LSAMP: variants seen among roughly 807,000 people sequenced by gnomAD.
LSAMP encodes limbic system associated membrane protein.
In LSAMP, 7 loss-of-function variants were observed where a neutral mutation model predicts 38.6. The ratio of observed to expected loss-of-function variants is 0.18; its 90% CI spans 0.10 to 0.34. LSAMP has a LOEUF of 0.34. Among genes scored for constraint, LSAMP ranks in the 10% least tolerant of loss-of-function variants. LSAMP has a pLI of 1.00. For synonymous variants in LSAMP, 154 were observed against 166.8 expected, an observed-to-expected ratio of 0.92 and a Z score of 0.59; for missense variants, 313 against 420.0, an observed-to-expected ratio of 0.75 and a Z score of 2.23.
intron 2 of LSAMP, among the ~76,000 whole-genome samples, chr3:116,043,940 C>T (rs1181691034): frequency 1.3e-5 from 2 of 152,158 alleles, no homozygotes; most frequent in Non-Finnish European, 2.9e-5. Context: ...AGCGAGACTC[C>T]GTCTCAAAAA....
intron 1 of LSAMP, among the ~76,000 whole-genome samples, chr3:116,439,316 G>GT (rs775235925): frequency 0.084 from 11,992 of 142,972 alleles, 958 homozygotes; most frequent in African/African-American, 0.21. Flanking sequence ...CTGAGATTTT[G>GT]TTGTTTTTTT....
In LSAMP at chr3:116,113,405, TATATATATATATA is replaced by T. The variant is rs1415807956; in HGVS notation, c.156-26862_156-26850del. On this transcript the variant is annotated intron_variant, in intron 1 of 6. Transcript: ENST00000490035. Reference sequence around the variant, plus strand: ...ATTTTAGAAATATGTTTGCCCTATATATATATATATATATATTTTTTTTTTTTTTTTTTTTTTT... The same window carrying T: ...ATTTTAGAAATATGTTTGCCCTATATTATTTTTTTTTTTTTTTTTTTTTTT... 4.9e-3 allele frequency among the ~76,000 whole-genome samples: 314 copies of T among 64,296 alleles called. 4 individuals carry two copies. Among genetic ancestry groups the T allele is most frequent in the African/African-American group, 0.017 (250 of 14,954 alleles). The allele number at this position is 64,296 out of a possible 152,430, so 42.2% of individuals were successfully genotyped here.
intron 1 of LSAMP, among the ~76,000 whole-genome samples, chr3:116,254,171 G>A (rs2046720742): frequency 6.6e-6 from 1 of 152,052 alleles, no homozygotes; most frequent in South Asian, 2.1e-4. Flanking sequence ...CCAACACAGA[G>A]AAGGAGGTAA....
chr3:116,422,002 A>G (rs972344604), intron 1 of LSAMP, among the ~76,000 whole-genome samples: 11 of 152,224 alleles, frequency 7.2e-5, no homozygotes, highest in Admixed American at 5.2e-4. Context: ...ATTCCTCATA[A>G]CAGCCCCAAA....
intron 1 of LSAMP, among the ~76,000 whole-genome samples, chr3:116,245,314 A>T (rs1053229041): frequency 6.6e-6 from 1 of 152,150 alleles, no homozygotes; most frequent in Non-Finnish European, 1.5e-5. Flanking sequence ...GAGATAATAA[A>T]TTTTGGCTGT....
Position 116,125,372 on chromosome 3 carries a change from G to A in LSAMP, c.156-38816C>T, listed in dbSNP as rs571308088. On this transcript the variant is annotated intron_variant, in intron 1 of 6. Transcript: ENST00000490035. ...TATTCATAGCAGTTCCCCCACCCCC[G>A]CCACGAGTTTCCTTCATTGTTTTTT... 1.8e-3 allele frequency among the ~76,000 whole-genome samples: 128 copies of A among 72,602 alleles called. 2 individuals are homozygous for A. Among genetic ancestry groups the A allele is most frequent in the African/African-American group, 6.4e-3 (124 of 19,242 alleles). 47.6% of individuals were successfully genotyped at this position (72,602 alleles called of 152,430 possible). A position where few individuals can be genotyped will look rare whatever the true frequency, so the allele number is the denominator to read the frequency against.
rs575207798 is a variant in LSAMP, at chr3:115,932,291, G to T, written c.515-79674C>A. 4.6e-5 allele frequency among the ~76,000 whole-genome samples: 7 copies of T among 152,228 alleles called. No homozygotes were observed. In the East Asian group the frequency reaches 1.3e-3, roughly 29 times the overall value. On this transcript the variant is annotated intron_variant, in intron 3 of 6. Coordinates refer to ENST00000490035, the MANE Select transcript of LSAMP (RefSeq NM_002338.5). ...TGGGAGAAAGGAAATTTGGACTTTT[G>T]TCTTCTGACCACAGAACCTGTGCTT... is the stretch of plus-strand genomic sequence containing the variant.
intron 1 of LSAMP, among the ~76,000 whole-genome samples, chr3:116,403,020 G>A (rs1227089228): frequency 6.6e-6 from 1 of 152,104 alleles, no homozygotes; most frequent in African/African-American, 2.4e-5. Flanking sequence ...TCCAGATATG[G>A]CCAATCACTG....
chr3:116,399,105 A>G (rs933905114), intron 1 of LSAMP, among the ~76,000 whole-genome samples: 9 of 152,310 alleles, frequency 5.9e-5, no homozygotes, highest in African/African-American at 2.2e-4. Flanking sequence ...AGGTGGAAGG[A>G]GAAAGTAGGC....
At chr3:115,915,824 C>T (rs999413560) in intron 3 of LSAMP, among the ~76,000 whole-genome samples, 26 of 151,958 alleles carry the variant, frequency 1.7e-4, no homozygotes, top group Non-Finnish European at 2.9e-4. Flanking sequence ...GTAGAGACAG[C>T]ATTTCACCAT....
chr3:115,865,454 TAAA>T (rs1464421173), intron 3 of LSAMP, among the ~76,000 whole-genome samples: 1 of 152,192 alleles, frequency 6.6e-6, no homozygotes, highest in East Asian at 1.9e-4. Flanking sequence ...TATTTTGAAA[TAAA>T]AAAGAAGCTA....
Position 115,808,917 on chromosome 3 carries a change from A to T in LSAMP, c.*1400T>A, listed in dbSNP as rs1165980636. The T allele has an allele frequency of 6.6e-6, 1 of 152,194 alleles. No homozygotes were observed. The allele number at this position is 152,194 out of a possible 1,614,324, so 9.4% of individuals were successfully genotyped here. A position where few individuals can be genotyped will look rare whatever the true frequency, so the allele number is the denominator to read the frequency against. ...TCACTTTCACTGTATTTTATCTGAA[A>T]TAGGAAACAATCTCTGCTCAGGGGA... On this transcript the variant is annotated 3_prime_UTR_variant, in exon 7 of 7. Coordinates refer to ENST00000490035, the MANE Select transcript of LSAMP (RefSeq NM_002338.5).
At chr3:116,441,858 C>G (rs914219640) in intron 1 of LSAMP, among the ~76,000 whole-genome samples, 5 of 152,218 alleles carry the variant, frequency 3.3e-5, no homozygotes, top group African/African-American at 1.2e-4. Flanking sequence ...GCTGCTGCTG[C>G]TGCCGCCACT....
At chr3:116,320,213 G>C (rs1257968004) in intron 1 of LSAMP, among the ~76,000 whole-genome samples, 1 of 152,070 alleles carries the variant, frequency 6.6e-6, no homozygotes, top group African/African-American at 2.4e-5. Flanking sequence ...AGGAGTTCGA[G>C]ACCAGCCTGG....
intron 2 of LSAMP, among the ~76,000 whole-genome samples, chr3:116,067,518 G>C (rs781533072): frequency 2.0e-5 from 3 of 152,138 alleles, no homozygotes; most frequent in Non-Finnish European, 2.9e-5. Flanking sequence ...CCTTCCAGTA[G>C]AGAACACCAG....
At chr3:116,029,794 A>C (rs540178505) in intron 2 of LSAMP, among the ~76,000 whole-genome samples, 43 of 152,226 alleles carry the variant, frequency 2.8e-4, no homozygotes, top group African/African-American at 1.0e-3. Context: ...AGATGTAGCC[A>C]GCATTTTACT....
intron 1 of LSAMP, among the ~76,000 whole-genome samples, chr3:116,422,417 G>C (rs1003066910): frequency 6.6e-6 from 1 of 152,162 alleles, no homozygotes; most frequent in Non-Finnish European, 1.5e-5. Context: ...ATCTAGAGAT[G>C]ATTTAAAGTA....
intron 1 of LSAMP, among the ~76,000 whole-genome samples, chr3:116,138,835 T>TC (rs397733568): frequency 6.6e-6 from 1 of 150,932 alleles, no homozygotes; most frequent in Admixed American, 6.6e-5. Flanking sequence ...TTTTTTTTTT[T>TC]CCATTTTAGC....
intron 1 of LSAMP, among the ~76,000 whole-genome samples, chr3:116,257,717 G>A (rs551778337): frequency 3.9e-5 from 6 of 152,062 alleles, no homozygotes; most frequent in African/African-American, 1.2e-4. Flanking sequence ...TGACCTTCAC[G>A]GAAATTTCTA....
Sources: gnomAD v4.1 joint callset for allele counts (sites outside exome capture counted in the v4.1 genomes callset) on GRCh38, gnomAD v4.1.1 for gene constraint, MANE v1.5 for transcripts, NCBI Gene and HGNC (gene_info 2026-07-23, HGNC 2026-07-21) for gene names.